Variants in RAPGEF1 observed in about 807,000 individuals in gnomAD.
RAPGEF1 encodes the protein CRK SH3-binding GNRP.
RAPGEF1 carries 33 observed loss-of-function variants against 143.3 expected under a neutral mutation model. The observed-to-expected ratio is 0.23, with a 90% confidence interval of 0.17 to 0.31. The LOEUF (loss-of-function observed/expected upper bound fraction) is 0.31. Ranked by LOEUF, RAPGEF1 falls within the 10% of genes least tolerant of loss-of-function variation. The probability of loss-of-function intolerance (pLI) is 1.00; values close to 1 mark genes in which losing one functional copy is unlikely to be tolerated. For synonymous variants in RAPGEF1, 629 were observed against 676.5 expected (o/e 0.93, Z 1.09); for missense variants, 1,199 against 1,645.4 (o/e 0.73, Z 4.69).
chr9:131,614,760 C>T (rs1369257048), intron 12 of RAPGEF1, among the ~76,000 whole-genome samples: 2 of 152,188 alleles, frequency 1.3e-5, no homozygotes, highest in African/African-American at 4.8e-5. Context: ...GAATGGGATG[C>T]CAGCTGCTCT....
intron 9 of RAPGEF1, among the ~76,000 whole-genome samples, chr9:131,627,257 A>G (rs1163735946): frequency 1.3e-5 from 2 of 150,766 alleles, no homozygotes; most frequent in South Asian, 2.1e-4. Flanking sequence ...AATTGAGAAT[A>G]CTATGTAAAT....
intron 1 of RAPGEF1, among the ~76,000 whole-genome samples, chr9:131,657,550 G>C (rs955411126): frequency 6.6e-6 from 1 of 152,116 alleles, no homozygotes; most frequent in Non-Finnish European, 1.5e-5. Flanking sequence ...CCACCATCTG[G>C]CCTAGCAAAC....
chr9:131,691,166 A>T (rs1460999457), intron 1 of RAPGEF1, among the ~76,000 whole-genome samples: 1 of 152,218 alleles, frequency 6.6e-6, no homozygotes. Context: ...TCTTTTTCTT[A>T]TCACTGGTTA....
chr9:131,615,698 T>C (rs955200721), intron 12 of RAPGEF1, among the ~76,000 whole-genome samples: 1 of 152,190 alleles, frequency 6.6e-6, no homozygotes, highest in Non-Finnish European at 1.5e-5. Flanking sequence ...CCCGAATGGA[T>C]GCTGGGCTTC....
At chr9:131,646,205 GA>G (rs987683393) in intron 3 of RAPGEF1, among the ~76,000 whole-genome samples, 10 of 152,154 alleles carry the variant, frequency 6.6e-5, no homozygotes, top group Non-Finnish European at 1.5e-4. Context: ...CACAGGTGGG[GA>G]AACTGAGGCT....
At chr9:131,585,368 G>GGC (rs1952545859) in intron 22 of RAPGEF1, among the ~76,000 whole-genome samples, 5 of 145,912 alleles carry the variant, frequency 3.4e-5, no homozygotes, top group Middle Eastern at 3.4e-3. Flanking sequence ...TTGTAGGGGG[G>GGC]GGGCGTCTCT....
In RAPGEF1 at chr9:131,686,259, T is replaced by C. The variant is rs571665167; in HGVS notation, c.62-35310A>G. On this transcript the variant is annotated intron_variant, in intron 1 of 26. Coordinates refer to ENST00000683357, the MANE Select transcript of RAPGEF1 (RefSeq NM_001377935.1). ...CCAACAATATGTAACTAAATGGGTA[T>C]GGCTGTGTTCCAACAAAACTTTATT... Among the ~76,000 whole-genome samples the C allele has an allele frequency of 3.3e-5, 5 of 152,328 alleles. No homozygotes were observed. In the East Asian group the frequency reaches 7.7e-4, roughly 23 times the overall value.
chr9:131,603,282 T>A (rs1325452888), intron 14 of RAPGEF1, among the ~76,000 whole-genome samples: 1 of 152,220 alleles, frequency 6.6e-6, no homozygotes, highest in Non-Finnish European at 1.5e-5. Context: ...CTGTCCCACC[T>A]GGGCTCATGG....
intron 1 of RAPGEF1, among the ~76,000 whole-genome samples, chr9:131,653,254 T>C (rs1442477793): frequency 6.6e-6 from 1 of 152,240 alleles, no homozygotes; most frequent in East Asian, 1.9e-4. Flanking sequence ...TTACTTACGA[T>C]ACCAAATACA....
intron 1 of RAPGEF1, among the ~76,000 whole-genome samples, chr9:131,683,760 G>T (rs1181636250): frequency 6.6e-6 from 1 of 152,182 alleles, no homozygotes; most frequent in Admixed American, 6.5e-5. Context: ...TGTAATTGAG[G>T]TATTGACTGC....
chr9:131,636,697 G>A (rs939979648), intron 5 of RAPGEF1, among the ~76,000 whole-genome samples: 1 of 152,168 alleles, frequency 6.6e-6, no homozygotes, highest in Non-Finnish European at 1.5e-5. Context: ...GCCTAGACAG[G>A]AACAGCAGGG....
At chr9:131,685,687 C>T (rs1326934432) in intron 1 of RAPGEF1, among the ~76,000 whole-genome samples, 4 of 152,172 alleles carry the variant, frequency 2.6e-5, no homozygotes, top group Non-Finnish European at 5.9e-5. Flanking sequence ...CTGTTCAGGG[C>T]TCTCAGCTCT....
intron 12 of RAPGEF1, among the ~76,000 whole-genome samples, chr9:131,609,707 C>T (rs1957717714): frequency 6.6e-6 from 1 of 152,166 alleles, no homozygotes; most frequent in South Asian, 2.1e-4. Context: ...CATATGCGAG[C>T]GTGTGGCCAA....
intron 3 of RAPGEF1, among the ~76,000 whole-genome samples, chr9:131,649,122 G>A (rs554619086): frequency 1.1e-4 from 17 of 149,476 alleles, no homozygotes; most frequent in Admixed American, 4.0e-4. Flanking sequence ...AACCTCTGCC[G>A]CCCGGGTTCA....
At position 131,667,891 on chromosome 9, in the gene RAPGEF1, C is replaced by T. The variant is rs190128078; in HGVS notation, c.62-16942G>A. Among the ~76,000 whole-genome samples the T allele has an allele frequency of 2.0e-3, 307 of 152,308 alleles. 1 individual carries two copies. The highest frequency in any genetic ancestry group is 6.8e-3 in the African/African-American group (283 of 41,554). On this transcript the variant is annotated intron_variant, in intron 1 of 26. Coordinates refer to ENST00000683357, the MANE Select transcript of RAPGEF1 (RefSeq NM_001377935.1). This position sits in a 1 kb window ranked among gnomAD's most constrained non-coding sequence, Gnocchi z 4.6. ...AGGATGTCATACAGTACTGCACATA[C>T]AGTGAGTCACTAAGCCCAGTCCTGG... is the stretch of plus-strand genomic sequence containing the variant.
intron 1 of RAPGEF1, among the ~76,000 whole-genome samples, chr9:131,703,417 T>C (rs994383499): frequency 1.3e-5 from 2 of 152,226 alleles, no homozygotes; most frequent in African/African-American, 4.8e-5. Flanking sequence ...TAAATGTAAC[T>C]TCTCTGTATG....
chr9:131,667,059 G>A lies in RAPGEF1; in HGVS notation c.62-16110C>T, dbSNP rs574154498. Among the ~76,000 whole-genome samples, 3 of 152,092 alleles carry A rather than the reference G, an allele frequency of 2.0e-5. No individual in the cohort carries two copies. Among genetic ancestry groups the A allele is most frequent in the Admixed American group, 6.5e-5 (1 of 15,282 alleles). On this transcript the variant is annotated intron_variant, in intron 1 of 26. Coordinates refer to ENST00000683357, the MANE Select transcript of RAPGEF1 (RefSeq NM_001377935.1). The surrounding 1 kb of genome is among the most constrained non-coding windows in gnomAD (Gnocchi z 4.6). ...AGGCGGAGTGCAGTGGCACGAACTC[G>A]GCTCACTGCCATCTCCATCTCACGG...
chr9:131,642,940 A>G (rs569036623), intron 4 of RAPGEF1, among the ~76,000 whole-genome samples: 15 of 152,324 alleles, frequency 9.8e-5, no homozygotes, highest in Non-Finnish European at 2.1e-4. Context: ...TCCAGGCTCC[A>G]TGTCCGGGAG....
rs1832102805 is a variant in RAPGEF1 at position 131,675,156 on chromosome 9, G to A, written c.62-24207C>T. Among the ~76,000 whole-genome samples, 1 of 152,076 alleles carries A rather than the reference G, an allele frequency of 6.6e-6. No individual in the cohort carries two copies. Among genetic ancestry groups the A allele is most frequent in the Non-Finnish European group, 1.5e-5 (1 of 68,014 alleles). On this transcript the variant is annotated intron_variant, in intron 1 of 26. Coordinates refer to ENST00000683357, the MANE Select transcript of RAPGEF1 (RefSeq NM_001377935.1). This position sits in a 1 kb window ranked among gnomAD's most constrained non-coding sequence, Gnocchi z 4.6. Reference sequence around the variant, plus strand: ...TAAAAAGAAGCTGGTGAGATTTGCTGCACTTGGCTAGATTTGCTGCACTTG... The same window carrying A: ...TAAAAAGAAGCTGGTGAGATTTGCTACACTTGGCTAGATTTGCTGCACTTG...
Sources: allele counts gnomAD v4.1 joint callset (sites outside exome capture counted in the v4.1 genomes callset), GRCh38; gene constraint gnomAD v4.1.1; non-coding constraint Gnocchi (gnomAD v3.1); transcripts MANE v1.5; gene names NCBI Gene and HGNC (gene_info 2026-07-23, HGNC 2026-07-21).